CATSPER2: variants seen among roughly 807,000 people sequenced by gnomAD.
CATSPER2 encodes the protein cation channel sperm-associated protein 2.
In CATSPER2, 56 loss-of-function variants were observed where a neutral mutation model predicts 68.8. That is an observed-to-expected ratio of 0.81 (90% CI 0.66 to 1.02). CATSPER2 has a LOEUF of 1.02. Ranked by LOEUF, CATSPER2 falls within the 50% of genes least tolerant of loss-of-function variation. CATSPER2 has a pLI of 0.00. For missense variants in CATSPER2, 582 were observed against 642.0 expected, an observed-to-expected ratio of 0.91 and a Z score of 1.01; for synonymous variants, 198 against 229.9, an observed-to-expected ratio of 0.86 and a Z score of 1.26.
chr15:43,640,540 G>T (rs1297249142), intron 4 of CATSPER2, 44 bp from the exon 5 acceptor site: 1 of 1,612,112 alleles, frequency 6.2e-7, no homozygotes, highest in African/African-American at 1.3e-5. Flanking sequence ...AAGGAAGCTG[G>T]AAACCGAATG....
rs950348510 is a variant in CATSPER2 at position 43,648,726 on chromosome 15, C to A, written c.-100G>T. The A allele has an allele frequency of 4.0e-6, 6 of 1,509,770 alleles. 1 individual carries two copies. Among genetic ancestry groups the A allele is most frequent in the Non-Finnish European group, 5.3e-6 (6 of 1,133,328 alleles). 93.5% of individuals were successfully genotyped at this position (1,509,770 alleles called of 1,614,324 possible). ...TGGCTACCCCTATGCAAGACGAGCT[C>A]AGGGCCGGCTCCCAGCCTCACTGCG... On this transcript the variant is annotated 5_prime_UTR_variant, in exon 1 of 13. The change abolishes the stop of an existing upstream ORF in the 5' untranslated region. Coordinates refer to ENST00000396879, the MANE Select transcript of CATSPER2 (RefSeq NM_172095.4).
Position 43,639,733 on chromosome 15 carries a change from C to T in CATSPER2, c.627G>A (p.Leu209=), listed in dbSNP as rs747531887. The part of the protein sequence containing the change: ...VTGQSVWLQL[L]RICRVLRSLK... ...GAGACCTCAGCACCCGGCAGATCCT[C>T]AGAAGCTGAAGCCACACCGATTGGC... The change falls in exon 6 of 13, where the codon CTG becomes CTA. Residue 209 remains leucine, a synonymous_variant. Coordinates refer to ENST00000396879, the MANE Select transcript of CATSPER2 (RefSeq NM_172095.4). The T allele has an allele frequency of 9.4e-5, 152 of 1,612,872 alleles. 1 individual carries two copies. The highest frequency in any genetic ancestry group is 1.3e-4 in the Non-Finnish European group (148 of 1,179,430).
chr15:43,632,137 T>G lies in CATSPER2; in HGVS notation c.1561+62A>C, dbSNP rs900443209. Reference sequence around the variant, plus strand: ...AGAATAGTGGACACCCTCCTCCTTCTCCACAGCTATAAACGCTATATATAT... The same window carrying G: ...AGAATAGTGGACACCCTCCTCCTTCGCCACAGCTATAAACGCTATATATAT... On this transcript the variant is annotated intron_variant, in intron 12 of 12. Coordinates refer to ENST00000396879, the MANE Select transcript of CATSPER2 (RefSeq NM_172095.4). The G allele has an allele frequency of 1.9e-6, 3 of 1,561,768 alleles. No homozygotes were observed. The African/African-American group carries it at 4.1e-5, about 21-fold the overall frequency.
At chr15:43,646,228 T>C (rs1044146977) in intron 4 of CATSPER2, among the ~76,000 whole-genome samples, 4 of 151,262 alleles carry the variant, frequency 2.6e-5, no homozygotes, top group African/African-American at 7.3e-5. Flanking sequence ...ATATTACACC[T>C]AGTTTTATGT....
intron 7 of CATSPER2, among the ~76,000 whole-genome samples, 176 bp from the exon 8 acceptor site, chr15:43,636,395 G>T (rs1480118718): frequency 8.6e-5 from 13 of 151,070 alleles, no homozygotes; most frequent in South Asian, 4.2e-4. Context: ...GTTTTTTTTT[G>T]TTGTTGTTTT....
intron 7 of CATSPER2, among the ~76,000 whole-genome samples, chr15:43,638,547 A>T (rs1257836890): frequency 6.6e-6 from 1 of 151,620 alleles, no homozygotes. Context: ...TTGGCCTCCC[A>T]AAGTGCTGGG....
Position 43,639,655 on chromosome 15 carries a change from G to C in CATSPER2, c.705C>G (p.Val235=), listed in dbSNP as rs769146701. 1 of 1,612,942 alleles carries C rather than the reference G, an allele frequency of 6.2e-7. No homozygotes were observed. Among genetic ancestry groups the C allele is most frequent in the Non-Finnish European group, 8.5e-7 (1 of 1,179,562 alleles). The change falls in exon 6 of 13, where the codon GTC becomes GTG. Residue 235 remains valine, a synonymous_variant. Coordinates refer to ENST00000396879, the MANE Select transcript of CATSPER2 (RefSeq NM_172095.4). ...ACAGTCAAATCACCTTGAGGGCCCTGACCAGGACCAAAATAATAATTTGAA... is the reference window on the plus strand; with the variant it reads ...ACAGTCAAATCACCTTGAGGGCCCTCACCAGGACCAAAATAATAATTTGAA... The part of the protein sequence containing the change: ...RQIQIIILVL[V]RALKSMTFLL...
In CATSPER2 at chr15:43,631,209, A is replaced by G. The variant is rs139955802; in HGVS notation, c.1562-477T>C. ...AAACCCAGATAACACATATTAAATC[A>G]TTAAAATCCACCCCTAAATCTTCTG... On this transcript the variant is annotated intron_variant, in intron 12 of 12. Coordinates refer to ENST00000396879, the MANE Select transcript of CATSPER2 (RefSeq NM_172095.4). Among the ~76,000 whole-genome samples, 43 of 152,136 alleles carry G rather than the reference A, an allele frequency of 2.8e-4. No homozygotes were observed. In the East Asian group the frequency reaches 7.5e-3, roughly 27 times the overall value.
intron 4 of CATSPER2, chr15:43,642,531 A>G (rs1246404288): frequency 7.5e-6 from 1 of 132,476 alleles, no homozygotes; most frequent in East Asian, 2.1e-4. Flanking sequence ...GGATTATATA[A>G]TTAGAAAGAG....
chr15:43,632,965 AT>A, intron 10 of CATSPER2, 31 bp from the exon 11 acceptor site: 1 of 1,554,698 alleles, frequency 6.4e-7, no homozygotes, highest in East Asian at 2.2e-5. Context: ...CTTCACAAAC[AT>A]TTACAAGATA....
chr15:43,640,218 T>A (rs2086048384), intron 5 of CATSPER2, 106 bp downstream of exon 5: 3 of 1,582,830 alleles, frequency 1.9e-6, no homozygotes, highest in South Asian at 2.3e-5. Context: ...AGAAAGAAGT[T>A]AAGTAAATTT....
In CATSPER2 at chr15:43,647,569, C is replaced by G. The variant is rs1280575606; in HGVS notation, c.146-102G>C. On this transcript the variant is annotated intron_variant, in intron 2 of 12. Transcript: ENST00000396879. ...GGTCAGGTAATGGGTTCCCCTAATG[C>G]CTTACTGCTAGTCCTTCTCTTCTCA... 1.5e-5 allele frequency: 16 copies of G among 1,069,588 alleles called. 2 individuals are homozygous for G. The highest frequency in any genetic ancestry group is 3.8e-5 in the South Asian group (3 of 79,370). 66.3% of individuals were successfully genotyped at this position (1,069,588 alleles called of 1,614,324 possible). A position where few individuals can be genotyped will look rare whatever the true frequency, so the allele number is the denominator to read the frequency against.
At chr15:43,646,288 T>C (rs1007625618) in intron 4 of CATSPER2, among the ~76,000 whole-genome samples, 3 of 138,922 alleles carry the variant, frequency 2.2e-5, no homozygotes, top group African/African-American at 9.6e-5. Context: ...CAAATATTAA[T>C]ATTTCTTTTT....
In CATSPER2 at chr15:43,634,330, C is replaced by T. The variant is rs1404143145; in HGVS notation, c.1178+1030G>A. ...TCAACCTCTCAGCTCAAGCAGTCCT[C>T]CCACCTCAGCCTCCTAAGTAGCTGG... On this transcript the variant is annotated intron_variant, in intron 10 of 12. Coordinates refer to ENST00000396879, the MANE Select transcript of CATSPER2 (RefSeq NM_172095.4). 5 of 151,722 alleles carry T rather than the reference C, an allele frequency of 3.3e-5. 1 individual carries two copies. Among genetic ancestry groups the T allele is most frequent in the African/African-American group, 9.7e-5 (4 of 41,232 alleles). 9.4% of individuals were successfully genotyped at this position (151,722 alleles called of 1,614,324 possible).
At position 43,647,035 on chromosome 15, in the gene CATSPER2, A is replaced by G. The variant is rs762097497; in HGVS notation, c.388+15T>C. On this transcript the variant is annotated intron_variant, in intron 4 of 12. Coordinates refer to ENST00000396879, the MANE Select transcript of CATSPER2 (RefSeq NM_172095.4). Reference sequence around the variant, plus strand: ...CCCGGCCTCACTTCCTCTTTCATACAAGGTCAGTTCTCACCTATTTCAACC... The same window carrying G: ...CCCGGCCTCACTTCCTCTTTCATACGAGGTCAGTTCTCACCTATTTCAACC... 1 of 1,605,460 alleles carries G rather than the reference A, an allele frequency of 6.2e-7. No individual in the cohort carries two copies. The highest frequency in any genetic ancestry group is 1.7e-5 in the Admixed American group (1 of 59,994).
chr15:43,635,529 G>A, intron 9 of CATSPER2, 113 bp from the exon 10 acceptor site: 1 of 1,254,200 alleles, frequency 8.0e-7, no homozygotes, highest in Non-Finnish European at 1.2e-6. Flanking sequence ...AGAACAAATT[G>A]TAGTCAAGGG....
At chr15:43,646,260 T>C (rs1272375260) in intron 4 of CATSPER2, among the ~76,000 whole-genome samples, 2 of 150,874 alleles carry the variant, frequency 1.3e-5, no homozygotes, top group Non-Finnish European at 2.9e-5. Context: ...CTGTATCTAG[T>C]ATACTCTTGA....
At position 43,639,751 on chromosome 15, in the gene CATSPER2, C is replaced by T. The variant is rs769095350; in HGVS notation, c.609G>A (p.Ser203=). 5.8e-5 allele frequency: 93 copies of T among 1,612,062 alleles called. 4 individuals carry two copies. The South Asian group carries it at 9.0e-4, about 16-fold the overall frequency. Residue 203 remains serine, a synonymous_variant, in exon 6 of 13, where the codon TCG becomes TCA. Transcript: ENST00000396879. ...AGATCCTCAGAAGCTGAAGCCACAC[C>T]GATTGGCCTGTTACCCCTACCAATA... is the stretch of plus-strand genomic sequence containing the variant. ...VVVLVGVTGQ[S]VWLQLLRICR...
Position 43,648,793 on chromosome 15 carries a change from C to G in CATSPER2, c.-167G>C. The G allele has an allele frequency of 6.5e-7, 1 of 1,531,544 alleles. No homozygotes were observed. The highest frequency in any genetic ancestry group is 8.8e-7 in the Non-Finnish European group (1 of 1,142,824). The allele number at this position is 1,531,544 out of a possible 1,614,324, so 94.9% of individuals were successfully genotyped here. A position where few individuals can be genotyped will look rare whatever the true frequency, so the allele number is the denominator to read the frequency against. On this transcript the variant is annotated 5_prime_UTR_variant, in exon 1 of 13. Coordinates refer to ENST00000396879, the MANE Select transcript of CATSPER2 (RefSeq NM_172095.4). ...GCTCGACCCCCAGGTTTCGGCTCAC[C>G]CCGGGACCCGGCCCTAGCCCCTACC...
Sources: gnomAD v4.1 joint callset for allele counts (sites outside exome capture counted in the v4.1 genomes callset) on GRCh38, gnomAD v4.1.1 for gene constraint, MANE v1.5 for transcripts, NCBI Gene and HGNC (gene_info 2026-07-23, HGNC 2026-07-21) for gene names.